The following ATP11A variants were observed in gnomAD, a reference collection of about 807,000 sequenced individuals.
ATP11A encodes phospholipid-transporting ATPase IH.
Under a neutral mutation model 154.4 loss-of-function variants are expected in ATP11A, and 81 were observed. The observed-to-expected ratio is 0.52, with a 90% CI of 0.44 to 0.63. ATP11A has a LOEUF of 0.63. Ranked by LOEUF, ATP11A falls within the 30% of genes least tolerant of loss-of-function variation. The pLI, the probability that ATP11A is intolerant of heterozygous loss-of-function variation, is 0.00. For synonymous variants in ATP11A, 623 were observed against 585.9 expected, an observed-to-expected ratio of 1.06 and a Z score of -0.91; for missense variants, 1,316 against 1,474.3, an observed-to-expected ratio of 0.89 and a Z score of 1.76.
rs752578371 is a variant in ATP11A at position 112,854,310 on chromosome 13, G to C, written c.2023G>C (p.Ala675Pro). The C allele has an allele frequency of 1.2e-5, 20 of 1,614,046 alleles. No individual in the cohort carries two copies. The highest frequency in any genetic ancestry group is 1.6e-5 in the Non-Finnish European group (19 of 1,180,044). ...GGAGAAAGCTGCAGACACCATCGAG[G>C]CCCTGCAGAAGGCCGGGATCAAAGT... Reference protein sequence around the residue: ...LQEKAADTIEALQKAGIKVWV... With the variant: ...LQEKAADTIEPLQKAGIKVWV... The change falls in exon 19 of 30, where the codon GCC becomes CCC. Residue 675 changes from alanine to proline, a missense_variant. Ala to Pro is a conservative substitution (Grantham distance 27, BLOSUM62 -1). This residue lies in a region of ATP11A where 876 missense variants were observed against 1,006.8 expected (regional missense o/e 0.87). Transcript: ENST00000375645.
In ATP11A at chr13:112,825,163, C is replaced by T. The variant is rs138018526; in HGVS notation, c.873-267C>T. Reference sequence around the variant, plus strand: ...GTCCAGGCAGTGCAGAAGCATGGTCCGCAGTGTGGCTGTGAGCAGCCCTCT... The same window carrying T: ...GTCCAGGCAGTGCAGAAGCATGGTCTGCAGTGTGGCTGTGAGCAGCCCTCT... On this transcript the variant is annotated intron_variant, in intron 10 of 29. Coordinates refer to ENST00000375645, the MANE Select transcript of ATP11A (RefSeq NM_015205.3). 2.3e-3 allele frequency among the ~76,000 whole-genome samples: 348 copies of T among 152,308 alleles called. 2 individuals are homozygous for T. Among genetic ancestry groups the T allele is most frequent in the Middle Eastern group, 6.8e-3 (2 of 294 alleles).
intron 1 of ATP11A, among the ~76,000 whole-genome samples, chr13:112,737,400 C>A (rs73576499): frequency 1.3e-5 from 2 of 152,194 alleles, no homozygotes; most frequent in African/African-American, 4.8e-5. Flanking sequence ...GTGAAATGTT[C>A]GTTAAAACAG....
At chr13:112,716,102 G>T (rs1888430979) in intron 1 of ATP11A, among the ~76,000 whole-genome samples, 1 of 152,204 alleles carries the variant, frequency 6.6e-6, no homozygotes, top group East Asian at 1.9e-4. Flanking sequence ...GGAGTTCCCG[G>T]TGGCTGCTCC....
At chr13:112,724,634 A>T (rs1236317455) in intron 1 of ATP11A, among the ~76,000 whole-genome samples, 1 of 151,916 alleles carries the variant, frequency 6.6e-6, no homozygotes, top group Non-Finnish European at 1.5e-5. Flanking sequence ...TTCTCCCCAC[A>T]GGTCAGAGGT....
chr13:112,800,011 A>G (rs2078092131), intron 2 of ATP11A, among the ~76,000 whole-genome samples: 1 of 152,236 alleles, frequency 6.6e-6, no homozygotes, highest in African/African-American at 2.4e-5. Context: ...AACTTATCAA[A>G]TCTTGTGGGA....
At chr13:112,745,214 G>A (rs555348036) in intron 1 of ATP11A, among the ~76,000 whole-genome samples, 69 of 152,228 alleles carry the variant, frequency 4.5e-4, no homozygotes, top group African/African-American at 1.6e-3. Context: ...ACAGGCGCCC[G>A]CTACCACGCC....
intron 2 of ATP11A, among the ~76,000 whole-genome samples, chr13:112,799,200 T>G (rs1434596130): frequency 6.6e-6 from 1 of 152,212 alleles, no homozygotes; most frequent in Non-Finnish European, 1.5e-5. Context: ...AATCCACTGT[T>G]ATATTTGGAC....
intron 6 of ATP11A, among the ~76,000 whole-genome samples, chr13:112,816,538 C>T (rs1000726907): frequency 6.6e-6 from 1 of 152,212 alleles, no homozygotes; most frequent in Non-Finnish European, 1.5e-5. Context: ...TCTCCCCTGG[C>T]ACCCATGCAG....
chr13:112,731,782 A>G (rs903674342), intron 1 of ATP11A, among the ~76,000 whole-genome samples: 18 of 152,078 alleles, frequency 1.2e-4, no homozygotes, highest in African/African-American at 2.4e-5. Context: ...ATCACATCCT[A>G]TCCTTCAAAA....
Position 112,875,948 on chromosome 13 carries a change from A to G in ATP11A, c.3327+7A>G, listed in dbSNP as rs2080710316. On this transcript the variant is annotated splice_region_variant and intron_variant, in intron 28 of 29. Transcript: ENST00000375645. This position sits in a 1 kb window ranked among gnomAD's most constrained non-coding sequence, Gnocchi z 4.1. ...AGCAACAGAGAGAGTCCAGGTACGG[A>G]GTGTCCCCAGCCGGGGCGGGGGTGC... The G allele has an allele frequency of 6.2e-7, 1 of 1,605,208 alleles. No individual in the cohort carries two copies. Among genetic ancestry groups the G allele is most frequent in the African/African-American group, 1.3e-5 (1 of 74,956 alleles).
At chr13:112,750,781 G>T (rs186622662) in intron 1 of ATP11A, among the ~76,000 whole-genome samples, 70 of 152,374 alleles carry the variant, frequency 4.6e-4, no homozygotes, top group African/African-American at 1.5e-3. Flanking sequence ...GAAGCTGCCT[G>T]TTTGGGAGAG....
Position 112,882,136 on chromosome 13 carries a change from A to C in ATP11A, c.*270A>C. 7.5e-7 allele frequency: 1 copy of C among 1,325,384 alleles called. No individual in the cohort carries two copies. Among genetic ancestry groups the C allele is most frequent in the South Asian group, 1.2e-5 (1 of 82,536 alleles). The allele number at this position is 1,325,384 out of a possible 1,614,324, so 82.1% of individuals were successfully genotyped here. A position where few individuals can be genotyped will look rare whatever the true frequency, so the allele number is the denominator to read the frequency against. ...CCCCCAGCAGGCAAGGAGGGGGGTC[A>C]CAGGCCTTGCCCTCGAGCATGGCAC... is the stretch of plus-strand genomic sequence containing the variant. On this transcript the variant is annotated 3_prime_UTR_variant, in exon 30 of 30. Coordinates refer to ENST00000375645, the MANE Select transcript of ATP11A (RefSeq NM_015205.3). This position sits in a 1 kb window ranked among gnomAD's most constrained non-coding sequence, Gnocchi z 5.1.
Position 112,875,637 on chromosome 13 carries a change from G to T in ATP11A, c.3162-139G>T. On this transcript the variant is annotated intron_variant, in intron 27 of 29. Coordinates refer to ENST00000375645, the MANE Select transcript of ATP11A (RefSeq NM_015205.3). The surrounding 1 kb of genome is among the most constrained non-coding windows in gnomAD (Gnocchi z 4.1). ...GTTCATTTTTTATATGATAAATTCA[G>T]AGCAGGCTCCGTGGCTTGCCAAGCA... 1.2e-6 allele frequency: 1 copy of T among 866,508 alleles called. No individual in the cohort carries two copies. Among genetic ancestry groups the T allele is most frequent in the East Asian group, 2.6e-5 (1 of 39,178 alleles). 53.7% of individuals were successfully genotyped at this position (866,508 alleles called of 1,614,324 possible). A position where few individuals can be genotyped will look rare whatever the true frequency, so the allele number is the denominator to read the frequency against.
chr13:112,875,813 A>G lies in ATP11A; in HGVS notation c.3199A>G (p.Ile1067Val), dbSNP rs1003008866. The change falls in exon 28 of 30, where the codon ATC becomes GTC. Residue 1067 changes from isoleucine to valine, a missense_variant. Physicochemically the swap from Ile to Val is conservative, Grantham distance 29. Coordinates refer to ENST00000375645, the MANE Select transcript of ATP11A (RefSeq NM_015205.3). The surrounding 1 kb of genome is among the most constrained non-coding windows in gnomAD (Gnocchi z 4.1). ...LNYQRMYYVF[I>V]QMLSSGPAWL... ...CTACCAGAGGATGTACTACGTGTTC[A>G]TCCAGATGCTGTCCAGCGGGCCCGC... 3 of 1,613,866 alleles carry G rather than the reference A, an allele frequency of 1.9e-6. No homozygotes were observed. The highest frequency in any genetic ancestry group is 1.7e-5 in the Admixed American group (1 of 60,010).
chr13:112,871,689 A>G, intron 25 of ATP11A, 46 bp from the exon 26 acceptor site: 1 of 1,580,138 alleles, frequency 6.3e-7, no homozygotes, highest in Admixed American at 1.7e-5. Context: ...AAAGAGAAAA[A>G]AAAATACATA....
At chr13:112,728,880 A>G (rs1890185540) in intron 1 of ATP11A, among the ~76,000 whole-genome samples, 1 of 152,206 alleles carries the variant, frequency 6.6e-6, no homozygotes. Context: ...AAGAATACAC[A>G]GTGGCTGCTG....
At chr13:112,706,882 A>C (rs781014912) in intron 1 of ATP11A, among the ~76,000 whole-genome samples, 1 of 152,254 alleles carries the variant, frequency 6.6e-6, no homozygotes, top group Non-Finnish European at 1.5e-5. Context: ...GTTATGCCAC[A>C]CATCATTTTA....
At chr13:112,763,722 G>T (rs768191152) in intron 1 of ATP11A, among the ~76,000 whole-genome samples, 4 of 152,078 alleles carry the variant, frequency 2.6e-5, no homozygotes, top group Non-Finnish European at 5.9e-5. Flanking sequence ...TCAACTCTTC[G>T]TGCCGAGCTT....
At chr13:112,751,625 A>G (rs563757319) in intron 1 of ATP11A, among the ~76,000 whole-genome samples, 5 of 152,282 alleles carry the variant, frequency 3.3e-5, no homozygotes, top group African/African-American at 9.6e-5. Flanking sequence ...GCACCAGTGC[A>G]CTTCAGCCTG....
Sources: allele counts gnomAD v4.1 joint callset (sites outside exome capture counted in the v4.1 genomes callset), GRCh38; gene constraint gnomAD v4.1.1; regional missense constraint gnomAD v4.1.1; non-coding constraint Gnocchi (gnomAD v3.1); transcripts MANE v1.5; gene names NCBI Gene and HGNC (gene_info 2026-07-23, HGNC 2026-07-21).